GGCX: variants seen among roughly 807,000 people sequenced by gnomAD.
GGCX encodes gamma-glutamyl carboxylase.
Under a neutral mutation model 88.5 loss-of-function variants are expected in GGCX, and 63 were observed. The observed-to-expected ratio is 0.71, with a 90% confidence interval of 0.58 to 0.88. The LOEUF is 0.88. Ranked by LOEUF, GGCX falls within the 40% of genes least tolerant of loss-of-function variation. GGCX has a pLI of 0.00. For synonymous variants in GGCX, 368 were observed against 365.8 expected (o/e 1.01, Z -0.07); for missense variants, 805 against 932.9 (o/e 0.86, Z 1.79).
Position 85,550,709 on chromosome 2 carries a change from C to T in GGCX, c.1930G>A (p.Gly644Arg), listed in dbSNP as rs550822458. 6.2e-7 allele frequency: 1 copy of T among 1,614,168 alleles called. No individual in the cohort carries two copies. The highest frequency in any genetic ancestry group is 1.3e-5 in the African/African-American group (1 of 75,052). ...LPPELQPLLE[G>R]EVKGGPEPTP... ...GGCTCAGGGCCCCCTTTTACTTCCCCTTCCAACAGAGGCTGCAGCTCTGGG... is the reference window on the plus strand; with the variant it reads ...GGCTCAGGGCCCCCTTTTACTTCCCTTTCCAACAGAGGCTGCAGCTCTGGG... The change falls in exon 14 of 15, where the codon GGG becomes AGG. Residue 644 changes from glycine to arginine, a missense_variant. Around this residue, in one of 3 missense-constraint regions of GGCX, gnomAD observed 680 missense variants for 763.7 expected, o/e 0.89. Transcript: ENST00000233838.
Position 85,556,397 on chromosome 2 carries a change from G to T in GGCX, c.540-137C>A, listed in dbSNP as rs141219640. The T allele has an allele frequency of 8.4e-5, 58 of 688,498 alleles. No homozygotes were observed. In the African/African-American group the frequency reaches 9.3e-4, roughly 11 times the overall value. The allele number at this position is 688,498 out of a possible 1,614,324, so 42.6% of individuals were successfully genotyped here. ...TCCCTGGTTATTCTGAGACCTTTTAGAATTATATGAGCAAATTCTAACATG... is the reference window on the plus strand; with the variant it reads ...TCCCTGGTTATTCTGAGACCTTTTATAATTATATGAGCAAATTCTAACATG... On this transcript the variant is annotated intron_variant, in intron 4 of 14. Transcript: ENST00000233838.
intron 3 of GGCX, 131 bp downstream of exon 3, chr2:85,558,786 C>G: frequency 1.1e-6 from 1 of 909,840 alleles, no homozygotes; most frequent in Admixed American, 1.9e-5. Flanking sequence ...TTAAGTGACA[C>G]ACAGGTCAAC....
rs1201485028 is a variant in GGCX at position 85,547,601 on chromosome 2, G to C, written c.*2333C>G. On this transcript the variant is annotated 3_prime_UTR_variant, in exon 15 of 15. Coordinates refer to ENST00000233838, the MANE Select transcript of GGCX (RefSeq NM_000821.7). ...CAGTCAAGTAGGTACAGTGAGTTTG[G>C]CAAACAACATAGTGGCAAAGTATCT... is the stretch of plus-strand genomic sequence containing the variant. The C allele has an allele frequency of 2.6e-5, 4 of 152,144 alleles. No individual in the cohort carries two copies. Among genetic ancestry groups the C allele is most frequent in the Admixed American group, 2.0e-4 (3 of 15,278 alleles). 9.4% of individuals were successfully genotyped at this position (152,144 alleles called of 1,614,324 possible). A position where few individuals can be genotyped will look rare whatever the true frequency, so the allele number is the denominator to read the frequency against.
chr2:85,547,321 T>G lies in GGCX; in HGVS notation c.*2613A>C, dbSNP rs1052964237. 1 of 152,208 alleles carries G rather than the reference T, an allele frequency of 6.6e-6. No homozygotes were observed. The highest frequency in any genetic ancestry group is 1.5e-5 in the Non-Finnish European group (1 of 68,030). The allele number at this position is 152,208 out of a possible 1,614,324, so 9.4% of individuals were successfully genotyped here. A position where few individuals can be genotyped will look rare whatever the true frequency, so the allele number is the denominator to read the frequency against. On this transcript the variant is annotated 3_prime_UTR_variant, in exon 15 of 15. Transcript: ENST00000233838. Reference sequence around the variant, plus strand: ...AGGATGTATACTAAAGTCTTTTGGCTAAAAGGACATTGATAGCCCATTTTT... The same window carrying G: ...AGGATGTATACTAAAGTCTTTTGGCGAAAAGGACATTGATAGCCCATTTTT...
In GGCX at chr2:85,549,517, C is replaced by G. The variant is rs768419574; in HGVS notation, c.*417G>C. ...GTTGGATTACAGGCACCCACCACCA[C>G]GTCTGGCTAATTTTTGTATTTTTAG... On this transcript the variant is annotated 3_prime_UTR_variant, in exon 15 of 15. Coordinates refer to ENST00000233838, the MANE Select transcript of GGCX (RefSeq NM_000821.7). 4.5e-6 allele frequency: 1 copy of G among 221,400 alleles called. No homozygotes were observed. Among genetic ancestry groups the G allele is most frequent in the East Asian group, 1.3e-4 (1 of 7,890 alleles). The allele number at this position is 221,400 out of a possible 1,614,324, so 13.7% of individuals were successfully genotyped here. A position where few individuals can be genotyped will look rare whatever the true frequency, so the allele number is the denominator to read the frequency against.
Position 85,550,731 on chromosome 2 carries a change from TGG to T in GGCX, c.1906_1907del (p.Pro636ArgfsTer15). 2 of 1,614,038 alleles carry T rather than the reference TGG, an allele frequency of 1.2e-6. No homozygotes were observed. Among genetic ancestry groups the T allele is most frequent in the South Asian group, 1.1e-5 (1 of 91,082 alleles). On this transcript the variant is annotated frameshift_variant, in exon 14 of 15. Transcript: ENST00000233838. LOFTEE classifies it high-confidence loss of function. ...ENGSETGPLP[P>X]ELQPLLEGEV... ...CCCCTTCCAACAGAGGCTGCAGCTC[TGG>T]GGGTAGAGGCCCTGTTTCTGCCCGG...
Position 85,550,587 on chromosome 2 carries a change from G to A in GGCX, c.2052C>T (p.Phe684=), listed in dbSNP as rs1553445259. The A allele has an allele frequency of 6.2e-7, 1 of 1,614,016 alleles. No individual in the cohort carries two copies. The part of the protein sequence containing the change: ...NTPFHERFFR[F]LLRKLYVFRR... ...GAAAGACATAGAGCTTTCGCAACAA[G>A]AAGCGGAAGAATCGCTCATGGAAAG... The change falls in exon 14 of 15, where the codon TTC becomes TTT. Residue 684 remains phenylalanine, a synonymous_variant. Coordinates refer to ENST00000233838, the MANE Select transcript of GGCX (RefSeq NM_000821.7).
chr2:85,553,951 C>T (rs1257002677), intron 7 of GGCX, 192 bp downstream of exon 7: 5 of 648,486 alleles, frequency 7.7e-6, no homozygotes, highest in South Asian at 6.8e-5. Context: ...AGATTCCCTA[C>T]TGTACAACAT....
intron 4 of GGCX, 84 bp from the exon 5 acceptor site, chr2:85,556,344 A>G (rs1385974248): frequency 2.1e-5 from 18 of 857,082 alleles, no homozygotes; most frequent in South Asian, 2.7e-5. Context: ...CGATAATCCT[A>G]TCTATCCTGG....
At chr2:85,558,676 T>C in intron 3 of GGCX, 71 bp from the exon 4 acceptor site, 1 of 1,219,194 alleles carries the variant, frequency 8.2e-7, no homozygotes, top group Non-Finnish European at 1.2e-6. Flanking sequence ...GACCAGGATA[T>C]GGTTGGAATT....
At position 85,559,043 on chromosome 2, in the gene GGCX, G is replaced by C; in HGVS notation, c.247C>G (p.Arg83Gly). ...TTCCGGTCCAGAGAGCTGAGCCCCCGCTCCTGGGGAATGTCTAGCACCATC... is the reference window on the plus strand; with the variant it reads ...TTCCGGTCCAGAGAGCTGAGCCCCCCCTCCTGGGGAATGTCTAGCACCATC... ...FLMVLDIPQE[R>G]GLSSLDRKYL... Residue 83 changes from arginine to glycine, a missense_variant, in exon 3 of 15, where the codon CGG becomes GGG. Transcript: ENST00000233838. 1.9e-6 allele frequency: 3 copies of C among 1,614,054 alleles called. No individual in the cohort carries two copies. Among genetic ancestry groups the C allele is most frequent in the Non-Finnish European group, 2.5e-6 (3 of 1,179,920 alleles).
chr2:85,556,157 CT>C, intron 5 of GGCX, 24 bp downstream of exon 5: 1 of 1,474,366 alleles, frequency 6.8e-7, no homozygotes, highest in Non-Finnish European at 9.5e-7. Flanking sequence ...CAAGGAGCTC[CT>C]CCCTCTGTCC....
At chr2:85,558,679 T>C (rs775114034) in intron 3 of GGCX, 74 bp from the exon 4 acceptor site, 5 of 1,210,294 alleles carry the variant, frequency 4.1e-6, no homozygotes, top group East Asian at 2.3e-5. Flanking sequence ...CAGGATATGG[T>C]TGGAATTAAG....
chr2:85,561,189 G>A (rs1692437325), intron 1 of GGCX, among the ~76,000 whole-genome samples, 197 bp downstream of exon 1: 1 of 152,132 alleles, frequency 6.6e-6, no homozygotes, highest in Non-Finnish European at 1.5e-5. Flanking sequence ...TCAGACTACA[G>A]TCCCCTAACC....
chr2:85,547,292 G>A lies in GGCX; in HGVS notation c.*2642C>T, dbSNP rs1691717071. ...AAGATCCAAATCCTGAGGGTAGAATGAGGAGGATGTATACTAAAGTCTTTT... is the reference window on the plus strand; with the variant it reads ...AAGATCCAAATCCTGAGGGTAGAATAAGGAGGATGTATACTAAAGTCTTTT... On this transcript the variant is annotated 3_prime_UTR_variant, in exon 15 of 15. Coordinates refer to ENST00000233838, the MANE Select transcript of GGCX (RefSeq NM_000821.7). 1 of 152,186 alleles carries A rather than the reference G, an allele frequency of 6.6e-6. No homozygotes were observed. 9.4% of individuals were successfully genotyped at this position (152,186 alleles called of 1,614,324 possible). A position where few individuals can be genotyped will look rare whatever the true frequency, so the allele number is the denominator to read the frequency against.
intron 8 of GGCX, 28 bp from the exon 9 acceptor site, chr2:85,553,098 G>C: frequency 6.2e-7 from 1 of 1,614,078 alleles, no homozygotes; most frequent in African/African-American, 1.3e-5. Context: ...AGGGGAATCA[G>C]CTCAATGCTT....
In GGCX at chr2:85,550,028, A is replaced by G; in HGVS notation, c.2183T>C (p.Phe728Ser). The G allele has an allele frequency of 1.2e-6, 2 of 1,612,632 alleles. No homozygotes were observed. Among genetic ancestry groups the G allele is most frequent in the Non-Finnish European group, 1.7e-6 (2 of 1,178,734 alleles). Reference protein sequence around the residue: ...QEVTYANLRPFEAVGELNPSN... With the variant: ...QEVTYANLRPSEAVGELNPSN... ...GGGATTCAGTTCTCCAACTGCCTCA[A>G]AGGGTCTCAAGTTTGCATAAGTCAC... is the stretch of plus-strand genomic sequence containing the variant. The change falls in exon 15 of 15, where the codon TTT becomes TCT. Residue 728 changes from phenylalanine (F) to serine (S), a missense_variant. Around this residue, in one of 3 missense-constraint regions of GGCX, gnomAD observed 680 missense variants for 763.7 expected, o/e 0.89. Transcript: ENST00000233838.
chr2:85,551,471 G>C lies in GGCX; in HGVS notation c.1740+9C>G. On this transcript the variant is annotated intron_variant, in intron 12 of 14. Transcript: ENST00000233838. ...GTTCTTTCTGCTGTTGTTAATCCCA[G>C]CAAAATACCTGCATTTTTTCTCCCT... 6.2e-7 allele frequency: 1 copy of C among 1,613,764 alleles called. No individual in the cohort carries two copies. Among genetic ancestry groups the C allele is most frequent in the Non-Finnish European group, 8.5e-7 (1 of 1,179,746 alleles).
rs1691925320 is a variant in GGCX, at chr2:85,551,044, T to C, written c.1769A>G (p.Tyr590Cys). The change falls in exon 13 of 15, where the codon TAT becomes TGT. Residue 590 changes from tyrosine (Y) to cysteine (C), a missense_variant. Physicochemically the swap from Tyr to Cys is radical, Grantham distance 194 (BLOSUM62 -2). Transcript: ENST00000233838. ...QLPAGEYHKV[Y>C]TTSPSPSCYM... Reference sequence around the variant, plus strand: ...GCAAGAAGGGCTAGGTGATGTCGTATACACCTTATGGTACTCACCAGCAGG... The same window carrying C: ...GCAAGAAGGGCTAGGTGATGTCGTACACACCTTATGGTACTCACCAGCAGG... 6.2e-7 allele frequency: 1 copy of C among 1,613,850 alleles called. No individual in the cohort carries two copies. Among genetic ancestry groups the C allele is most frequent in the East Asian group, 2.2e-5 (1 of 44,890 alleles).
Sources: allele counts gnomAD v4.1 joint callset (sites outside exome capture counted in the v4.1 genomes callset), GRCh38; gene constraint gnomAD v4.1.1; regional missense constraint gnomAD v4.1.1; transcripts MANE v1.5; gene names NCBI Gene and HGNC (gene_info 2026-07-23, HGNC 2026-07-21).